Variants in CSMD1 observed in about 807,000 individuals in gnomAD.
CSMD1 encodes the protein CUB and sushi domain-containing protein 1.
In CSMD1, 213 loss-of-function variants were observed where a neutral mutation model predicts 417.5. The ratio of observed to expected loss-of-function variants is 0.51; its 90% CI spans 0.46 to 0.57. The LOEUF is 0.57. CSMD1 is among the 20% of genes least tolerant of loss of function. The probability of loss-of-function intolerance (pLI) is 0.00; values close to 1 mark genes in which losing one functional copy is unlikely to be tolerated. For synonymous variants in CSMD1, 2,862 were observed against 1,736.8 expected, an observed-to-expected ratio of 1.65 and a Z score of -16.11; for missense variants, 6,923 against 4,529.7, an observed-to-expected ratio of 1.53 and a Z score of -15.17.
At chr8:3,807,017 A>T (rs1328838108) in intron 5 of CSMD1, among the ~76,000 whole-genome samples, 1 of 152,150 alleles carries the variant, frequency 6.6e-6, no homozygotes, top group Non-Finnish European at 1.5e-5. Flanking sequence ...GAGGGCTAGA[A>T]ATATTGTAAC....
At chr8:3,367,382 G>A (rs1809664986) in intron 19 of CSMD1, 135 bp from the exon 20 acceptor site, 1 of 631,246 alleles carries the variant, frequency 1.6e-6, no homozygotes, top group Non-Finnish European at 2.8e-6. Flanking sequence ...AAATAAGAGG[G>A]GAAGACAGAT....
At chr8:3,357,468 T>C (rs1808869203) in intron 21 of CSMD1, among the ~76,000 whole-genome samples, 1 of 152,234 alleles carries the variant, frequency 6.6e-6, no homozygotes, top group Non-Finnish European at 1.5e-5. Flanking sequence ...TACCACACAC[T>C]GTTTAATAAA....
chr8:3,542,278 G>C (rs1798472565), intron 10 of CSMD1, among the ~76,000 whole-genome samples: 1 of 152,120 alleles, frequency 6.6e-6, no homozygotes, highest in Admixed American at 6.5e-5. Flanking sequence ...GTCATCTGAA[G>C]ATGGTTCATT....
chr8:4,846,110 G>A (rs190831066), intron 1 of CSMD1, among the ~76,000 whole-genome samples: 2 of 152,196 alleles, frequency 1.3e-5, no homozygotes, highest in African/African-American at 2.4e-5. Flanking sequence ...GAACTTCCAC[G>A]TGGCCATTGA....
chr8:4,683,188 G>T (rs1039363779), intron 1 of CSMD1, among the ~76,000 whole-genome samples: 1 of 151,738 alleles, frequency 6.6e-6, no homozygotes, highest in East Asian at 1.9e-4. Flanking sequence ...TATTCTAAGG[G>T]TAATATGTTC....
At chr8:4,972,723 ATTGT>A (rs1241103690) in intron 1 of CSMD1, among the ~76,000 whole-genome samples, 3 of 152,134 alleles carry the variant, frequency 2.0e-5, no homozygotes, top group Non-Finnish European at 4.4e-5. Flanking sequence ...GGTAAGAAAT[ATTGT>A]TTGAGTTTTG....
At chr8:4,970,217 T>C in intron 1 of CSMD1, among the ~76,000 whole-genome samples, 1 of 152,166 alleles carries the variant, frequency 6.6e-6, no homozygotes, top group East Asian at 1.9e-4. Context: ...TGTTTCTTAC[T>C]CTGCCATTCA....
At chr8:3,653,707 T>C (rs1196160813) in intron 7 of CSMD1, among the ~76,000 whole-genome samples, 3 of 152,144 alleles carry the variant, frequency 2.0e-5, no homozygotes, top group South Asian at 2.1e-4. Context: ...AAGCCTCCTT[T>C]GAGGAATGAG....
intron 1 of CSMD1, among the ~76,000 whole-genome samples, chr8:4,766,223 T>C (rs756966722): frequency 8.5e-5 from 13 of 152,166 alleles, no homozygotes; most frequent in Non-Finnish European, 1.8e-4. Context: ...TGCTGGTGCG[T>C]TGGCAACAAG....
chr8:3,200,856 G>C (rs1030373540), intron 32 of CSMD1, among the ~76,000 whole-genome samples: 14 of 152,148 alleles, frequency 9.2e-5, no homozygotes, highest in African/African-American at 2.9e-4. Context: ...ATTGGTCAAA[G>C]CTTGTGACGC....
intron 41 of CSMD1, among the ~76,000 whole-genome samples, chr8:3,135,685 T>C (rs58487372): frequency 9.5e-4 from 135 of 142,002 alleles, no homozygotes; most frequent in African/African-American, 4.0e-3. Flanking sequence ...CTTTAAAACA[T>C]GCTCTTGAGT....
At chr8:4,078,413 C>A (rs542389330) in intron 3 of CSMD1, among the ~76,000 whole-genome samples, 4 of 147,116 alleles carry the variant, frequency 2.7e-5, no homozygotes, top group African/African-American at 1.0e-4. Flanking sequence ...CTCCCGGGTT[C>A]ACGCCATTCT....
At chr8:4,287,815 G>T (rs1254021181) in intron 3 of CSMD1, among the ~76,000 whole-genome samples, 1 of 152,064 alleles carries the variant, frequency 6.6e-6, no homozygotes. Flanking sequence ...CCTCTCTGTG[G>T]CCCACTGAAT....
chr8:3,383,008 G>A (rs899595956), intron 18 of CSMD1, among the ~76,000 whole-genome samples: 2 of 152,122 alleles, frequency 1.3e-5, no homozygotes, highest in South Asian at 2.1e-4. Flanking sequence ...AACAATGAGA[G>A]GAGAAACAGG....
intron 41 of CSMD1, among the ~76,000 whole-genome samples, chr8:3,131,869 G>T (rs774409657): frequency 6.6e-6 from 1 of 152,134 alleles, no homozygotes; most frequent in Non-Finnish European, 1.5e-5. Flanking sequence ...ATATTGTTAT[G>T]TATATATTTA....
At chr8:4,621,393 A>C (rs149212295) in intron 2 of CSMD1, among the ~76,000 whole-genome samples, 1 of 152,086 alleles carries the variant, frequency 6.6e-6, no homozygotes, top group Non-Finnish European at 1.5e-5. Context: ...GGGATTTGGA[A>C]TTTTATAATT....
At chr8:4,683,351 G>T (rs183494426) in intron 1 of CSMD1, among the ~76,000 whole-genome samples, 2 of 152,100 alleles carry the variant, frequency 1.3e-5, no homozygotes, top group East Asian at 3.9e-4. Context: ...GGCCCATTTG[G>T]AGTGGTTCTC....
chr8:4,198,220 G>T (rs774482898), intron 3 of CSMD1, among the ~76,000 whole-genome samples: 6 of 152,192 alleles, frequency 3.9e-5, no homozygotes, highest in Non-Finnish European at 8.8e-5. Context: ...ATACAAAGAG[G>T]TGCGGAGCAC....
rs1807068105 is a variant in CSMD1, at chr8:2,998,032, T to G, written c.8356A>C (p.Ser2786Arg). 3.1e-6 allele frequency: 5 copies of G among 1,613,942 alleles called. No homozygotes were observed. The highest frequency in any genetic ancestry group is 4.2e-6 in the Non-Finnish European group (5 of 1,179,834). The stretch of plus-strand genomic sequence containing the variant: ...CTACCTCGACACGTGGGCAGAGGGC[T>G]ACTCCACTGGCCGTTGCTCCGACAC... ...AQCRSNGQWS[S>R]PLPTCRVVNC... Residue 2786 changes from serine (S) to arginine (R), a missense_variant, in exon 54 of 70, where the codon AGC becomes CGC. Ser to Arg is a moderately radical substitution (Grantham distance 110, BLOSUM62 -1). Coordinates refer to ENST00000635120, the MANE Select transcript of CSMD1 (RefSeq NM_033225.6).
Sources: allele counts gnomAD v4.1 joint callset (sites outside exome capture counted in the v4.1 genomes callset), GRCh38; gene constraint gnomAD v4.1.1; transcripts MANE v1.5; gene names NCBI Gene and HGNC (gene_info 2026-07-23, HGNC 2026-07-21).